Variants in C1orf141 observed in about 807,000 individuals in gnomAD.
C1orf141 encodes the protein chromosome 1 open reading frame 141, also known as uncharacterized protein C1orf141.
In C1orf141, 19 loss-of-function variants were observed where a neutral mutation model predicts 23.2. The observed-to-expected ratio is 0.82, with a 90% CI of 0.57 to 1.20. The LOEUF (loss-of-function observed/expected upper bound fraction) is 1.20. C1orf141 is among the 50% of genes most tolerant of loss of function. The pLI is 0.00. For synonymous variants in C1orf141, 153 were observed against 154.6 expected (o/e 0.99, Z 0.08); for missense variants, 469 against 455.1 (o/e 1.03, Z -0.28).
At chr1:67,111,644 T>C (rs1646075006) in intron 5 of C1orf141, 1 of 1,358,360 alleles carries the variant, frequency 7.4e-7, no homozygotes, top group South Asian at 1.6e-5. Flanking sequence ...TTCTACTGGC[T>C]CTAAAGAAAC....
intron 5 of C1orf141, among the ~76,000 whole-genome samples, chr1:67,099,904 T>A (rs1362901715): frequency 6.6e-6 from 1 of 152,242 alleles, no homozygotes; most frequent in Non-Finnish European, 1.5e-5. Flanking sequence ...GTATTTTAAA[T>A]GAAATATTGT....
At chr1:67,106,212 A>G (rs2144658) in intron 5 of C1orf141, among the ~76,000 whole-genome samples, 90,393 of 152,056 alleles carry the variant, frequency 0.59, 28,578 homozygotes, top group East Asian at 0.79. Flanking sequence ...TACAATAGTC[A>G]CAATGCCCAA....
intron 2 of C1orf141, among the ~76,000 whole-genome samples, chr1:67,127,849 G>T (rs1011523175): frequency 7.2e-5 from 11 of 151,990 alleles, no homozygotes; most frequent in African/African-American, 2.7e-4. Flanking sequence ...TGGCCAGGCT[G>T]GTCTCAAACT....
chr1:67,105,632 C>G (rs1645908332), intron 5 of C1orf141, among the ~76,000 whole-genome samples: 1 of 151,008 alleles, frequency 6.6e-6, no homozygotes, highest in Non-Finnish European at 1.5e-5. Flanking sequence ...AAAATACACA[C>G]AGACACACAC....
chr1:67,122,312 C>T (rs1646315966), intron 4 of C1orf141: 1 of 152,228 alleles, frequency 6.6e-6, no homozygotes, highest in Non-Finnish European at 1.5e-5. Flanking sequence ...GCTGGGATTA[C>T]AGGTGTGAGC....
At chr1:67,134,418 C>T (rs12069782) in intron 1 of C1orf141, among the ~76,000 whole-genome samples, 125,786 of 152,282 alleles carry the variant, frequency 0.83, 51,973 homozygotes, top group East Asian at 0.92. Flanking sequence ...ATTGATTAGC[C>T]AGCTCGAAAT....
intron 5 of C1orf141, chr1:67,103,289 T>G (rs1645846205): frequency 6.7e-7 from 1 of 1,489,334 alleles, no homozygotes; most frequent in South Asian, 1.3e-5. Flanking sequence ...GACTGAATGT[T>G]GAACATAGGA....
intron 5 of C1orf141, among the ~76,000 whole-genome samples, chr1:67,103,986 A>C (rs530230931): frequency 6.6e-6 from 1 of 152,302 alleles, no homozygotes; most frequent in African/African-American, 2.4e-5. Context: ...ATAAATGTTT[A>C]GAACCCATAT....
At chr1:67,122,867 T>C (rs1231638054) in intron 4 of C1orf141, 2 of 152,182 alleles carry the variant, frequency 1.3e-5, no homozygotes, top group Non-Finnish European at 2.9e-5. Context: ...AACATTCTTT[T>C]GGGAGGTGTT....
chr1:67,103,839 A>G (rs919903983), intron 5 of C1orf141, among the ~76,000 whole-genome samples: 2 of 152,122 alleles, frequency 1.3e-5, no homozygotes, highest in African/African-American at 4.8e-5. Context: ...GGCTTTTCCT[A>G]AGCTAGAGTA....
intron 1 of C1orf141, among the ~76,000 whole-genome samples, chr1:67,134,628 C>T (rs149933997): frequency 6.6e-6 from 1 of 151,942 alleles, no homozygotes; most frequent in African/African-American, 2.4e-5. Context: ...TGCCTATGGT[C>T]GTTTCATGGG....
chr1:67,132,951 G>C (rs1284203812), intron 1 of C1orf141, among the ~76,000 whole-genome samples: 1 of 152,188 alleles, frequency 6.6e-6, no homozygotes, highest in Non-Finnish European at 1.5e-5. Context: ...AATTGGGGCA[G>C]AATGAATTCC....
At chr1:67,128,856 C>T (rs544625728) in intron 2 of C1orf141, among the ~76,000 whole-genome samples, 2 of 152,208 alleles carry the variant, frequency 1.3e-5, no homozygotes, top group East Asian at 3.9e-4. Context: ...AATGTTAATA[C>T]TAAGGTTCTT....
rs531752362 is a variant in C1orf141 at position 67,119,287 on chromosome 1, GGT to G, written c.234-3825_234-3824del. 7.9e-5 allele frequency among the ~76,000 whole-genome samples: 12 copies of G among 152,310 alleles called. 1 individual carries two copies. The South Asian group carries it at 2.1e-3, about 26-fold the overall frequency. On this transcript the variant is annotated intron_variant, in intron 4 of 7. Transcript: ENST00000684719. ...ACATGTTATTGGAAACTGGAGGAAA[GGT>G]GGTGCTTGTTATAAAATGTCAAAGA...
intron 5 of C1orf141, among the ~76,000 whole-genome samples, chr1:67,105,157 TC>T (rs1470105678): frequency 6.6e-6 from 1 of 151,490 alleles, no homozygotes; most frequent in African/African-American, 2.4e-5. Context: ...TGAAACCCCG[TC>T]TCTACTAAAA....
intron 5 of C1orf141, among the ~76,000 whole-genome samples, chr1:67,102,284 C>T (rs1645819198): frequency 6.7e-6 from 1 of 150,308 alleles, no homozygotes; most frequent in Non-Finnish European, 1.5e-5. Context: ...AATTAGGACT[C>T]TAGGAAGATG....
chr1:67,111,746 G>T (rs1646077935), intron 5 of C1orf141: 2 of 480,014 alleles, frequency 4.2e-6, no homozygotes, highest in South Asian at 5.5e-5. Flanking sequence ...AAATGTAAAA[G>T]AATAATTTTA....
At chr1:67,125,570 A>G (rs992987720) in intron 4 of C1orf141, 182 bp downstream of exon 4, 67 of 625,788 alleles carry the variant, frequency 1.1e-4, no homozygotes, top group Non-Finnish European at 1.7e-4. Context: ...ATGGTGGTGC[A>G]TGCCTGTAGT....
intron 5 of C1orf141, among the ~76,000 whole-genome samples, chr1:67,103,021 A>C (rs1645839500): frequency 6.6e-6 from 1 of 152,188 alleles, no homozygotes; most frequent in Non-Finnish European, 1.5e-5. Flanking sequence ...ATCACACAGT[A>C]ATTTGGTTAA....
Sources: allele counts gnomAD v4.1 joint callset (sites outside exome capture counted in the v4.1 genomes callset), GRCh38; gene constraint gnomAD v4.1.1; transcripts MANE v1.5; gene names NCBI Gene and HGNC (gene_info 2026-07-23, HGNC 2026-07-21).